The following SHANK2 variants were observed in gnomAD, a reference collection of about 807,000 sequenced individuals.
SHANK2 encodes the protein SH3 and multiple ankyrin repeat domains 2, also known as SH3 and multiple ankyrin repeat domains protein 2.
SHANK2 carries 43 observed loss-of-function variants against 133.7 expected under a neutral mutation model. The ratio of observed to expected loss-of-function variants is 0.32; its 90% CI spans 0.25 to 0.41. The LOEUF (loss-of-function observed/expected upper bound fraction) is 0.41, where lower values mean the gene tolerates loss of function less well. Ranked by LOEUF, SHANK2 falls within the 10% of genes least tolerant of loss-of-function variation. SHANK2 has a pLI of 1.00. For synonymous variants in SHANK2, 1,017 were observed against 952.8 expected (o/e 1.07, Z -1.24); for missense variants, 1,994 against 2,235.8 (o/e 0.89, Z 2.18).
At chr11:71,153,174 G>A (rs530210936) in intron 2 of SHANK2, among the ~76,000 whole-genome samples, 3 of 152,028 alleles carry the variant, frequency 2.0e-5, no homozygotes, top group East Asian at 1.9e-4. Flanking sequence ...AAGCAAAGCC[G>A]AAGACGCAAT....
intron 2 of SHANK2, among the ~76,000 whole-genome samples, chr11:71,161,249 C>T (rs1339577668): frequency 1.3e-5 from 2 of 152,184 alleles, no homozygotes; most frequent in Middle Eastern, 3.2e-3. Flanking sequence ...TCCAACCTGA[C>T]TCTAGTATAG....
At chr11:70,698,522 C>G (rs1227889786) in intron 15 of SHANK2, among the ~76,000 whole-genome samples, 166 bp downstream of exon 15, 2 of 152,360 alleles carry the variant, frequency 1.3e-5, no homozygotes, top group East Asian at 3.9e-4. Flanking sequence ...ACCTCTCAGG[C>G]AGGGGCTCCA....
intron 10 of SHANK2, among the ~76,000 whole-genome samples, chr11:70,928,136 A>G (rs1276929261): frequency 6.6e-6 from 1 of 152,152 alleles, no homozygotes; most frequent in Non-Finnish European, 1.5e-5. Context: ...AACCCTGGCT[A>G]ATACAAGGCC....
At chr11:71,071,215 C>T (rs1951137260) in intron 9 of SHANK2, among the ~76,000 whole-genome samples, 2 of 152,216 alleles carry the variant, frequency 1.3e-5, no homozygotes, top group Admixed American at 1.3e-4. Context: ...ACAGCCAAGC[C>T]TCATGATGTG....
chr11:70,602,614 G>T (rs1450998616), intron 17 of SHANK2, among the ~76,000 whole-genome samples: 3 of 152,152 alleles, frequency 2.0e-5, no homozygotes, highest in Admixed American at 1.3e-4. Flanking sequence ...CTTCTTTTCG[G>T]TAATTATACT....
chr11:71,173,259 G>A (rs1311181684), intron 2 of SHANK2, among the ~76,000 whole-genome samples: 1 of 152,212 alleles, frequency 6.6e-6, no homozygotes, highest in African/African-American at 2.4e-5. Flanking sequence ...ACGGAAGAGG[G>A]AAATTGATTC....
intron 14 of SHANK2, among the ~76,000 whole-genome samples, chr11:70,788,183 G>GT (rs1947710990): frequency 6.6e-6 from 1 of 152,108 alleles, no homozygotes; most frequent in Non-Finnish European, 1.5e-5. Context: ...AAGAGGACAG[G>GT]TCCCCCACCA....
chr11:70,485,524 T>C lies in SHANK2; in HGVS notation c.4769A>G (p.Gln1590Arg). 1 of 1,613,246 alleles carries C rather than the reference T, an allele frequency of 6.2e-7. No homozygotes were observed. Among genetic ancestry groups the C allele is most frequent in the Non-Finnish European group, 8.5e-7 (1 of 1,179,994 alleles). The change falls in exon 25 of 26, where the codon CAG (glutamine) becomes CGG (arginine). Residue 1590 changes from glutamine to arginine, a missense_variant. Coordinates refer to ENST00000601538, the MANE Select transcript of SHANK2 (RefSeq NM_012309.5). The surrounding 1 kb of genome is among the most constrained non-coding windows in gnomAD (Gnocchi z 5.8). Reference sequence around the variant, plus strand: ...CTGGAGAACCTTGGCCATCCCAGGCTGGGCACTGCCCGGCGGGGGCGGGGG... The same window carrying C: ...CTGGAGAACCTTGGCCATCCCAGGCCGGGCACTGCCCGGCGGGGGCGGGGG... ...PAPPPPPGSAQPGMAKVLQPR... is the reference protein window; with the variant it reads ...PAPPPPPGSARPGMAKVLQPR...
chr11:70,584,772 C>A (rs562152599), intron 17 of SHANK2, among the ~76,000 whole-genome samples: 2 of 152,334 alleles, frequency 1.3e-5, no homozygotes, highest in South Asian at 4.1e-4. Context: ...TAGCAGCTGT[C>A]CCCCTGATCC....
At chr11:70,499,411 G>A (rs2059018150) in intron 21 of SHANK2, among the ~76,000 whole-genome samples, 1 of 152,196 alleles carries the variant, frequency 6.6e-6, no homozygotes, top group Non-Finnish European at 1.5e-5. Flanking sequence ...TGGTGTGGAT[G>A]GGGCCAGGTC....
chr11:70,646,820 T>TTTTA (rs142747571), intron 17 of SHANK2, among the ~76,000 whole-genome samples: 13,582 of 139,908 alleles, frequency 0.097, 734 homozygotes, highest in African/African-American at 0.12. Context: ...GGAATCTAAC[T>TTTTA]TTTATTTATT....
chr11:70,810,619 G>A (rs1365570362), intron 12 of SHANK2, among the ~76,000 whole-genome samples: 1 of 152,230 alleles, frequency 6.6e-6, no homozygotes, highest in Admixed American at 6.5e-5. Context: ...TGAACCTCCC[G>A]TCACTCCCAG....
intron 2 of SHANK2, among the ~76,000 whole-genome samples, chr11:71,203,101 C>T (rs1396087252): frequency 2.6e-5 from 4 of 152,146 alleles, no homozygotes; most frequent in Non-Finnish European, 5.9e-5. Context: ...ATCTCAGGTA[C>T]CACCTGCAAG....
intron 2 of SHANK2, among the ~76,000 whole-genome samples, chr11:71,221,115 C>A (rs1180371112): frequency 6.6e-6 from 1 of 151,302 alleles, no homozygotes; most frequent in Non-Finnish European, 1.5e-5. Context: ...GCAGGAGAAT[C>A]GCTTGAGCCC....
At chr11:70,917,518 A>G (rs1358394780) in intron 10 of SHANK2, among the ~76,000 whole-genome samples, 2 of 152,236 alleles carry the variant, frequency 1.3e-5, no homozygotes, top group Non-Finnish European at 1.5e-5. Flanking sequence ...ATATACACAA[A>G]GGAATATAAA....
chr11:71,143,460 T>C (rs190940155), intron 3 of SHANK2, among the ~76,000 whole-genome samples: 1 of 152,014 alleles, frequency 6.6e-6, no homozygotes, highest in Admixed American at 6.6e-5. Context: ...CCACGGGAGG[T>C]TGATCAAGGT....
At chr11:71,085,810 TTATG>T (rs1951390598) in intron 8 of SHANK2, among the ~76,000 whole-genome samples, 1 of 48,304 alleles carries the variant, frequency 2.1e-5, no homozygotes, top group Non-Finnish European at 3.3e-5. Flanking sequence ...ACATAATATA[TTATG>T]TTATATTATA....
rs372550279 is a variant in SHANK2, at chr11:70,639,221, T to C, written c.2061+20607A>G. 1.1e-4 allele frequency among the ~76,000 whole-genome samples: 17 copies of C among 152,170 alleles called. No individual in the cohort carries two copies. In the East Asian group the frequency reaches 2.7e-3, roughly 24 times the overall value. ...GGAAATGGCCAGTTTGGGGTGGAAG[T>C]GGGCTCCGCAAGTGCCTGAAAGGGA... On this transcript the variant is annotated intron_variant, in intron 17 of 25. Transcript: ENST00000601538.
intron 9 of SHANK2, among the ~76,000 whole-genome samples, chr11:71,062,996 C>CAAAAAAAAA (rs1169050698): frequency 2.9e-5 from 2 of 69,742 alleles, no homozygotes; most frequent in African/African-American, 1.1e-4. Flanking sequence ...GACCCTGTCT[C>CAAAAAAAAA]AAAAAAAAAA....
Sources: allele counts gnomAD v4.1 joint callset (sites outside exome capture counted in the v4.1 genomes callset), GRCh38; gene constraint gnomAD v4.1.1; non-coding constraint Gnocchi (gnomAD v3.1); transcripts MANE v1.5; gene names NCBI Gene and HGNC (gene_info 2026-07-23, HGNC 2026-07-21).